DCP1B: variants seen among roughly 807,000 people sequenced by gnomAD.
DCP1B encodes decapping mRNA 1B.
In DCP1B, 47 loss-of-function variants were observed where a neutral mutation model predicts 60.5. The observed-to-expected ratio is 0.78, with a 90% CI of 0.61 to 0.99. DCP1B has a LOEUF of 0.99. Among genes scored for constraint, DCP1B ranks in the 50% least tolerant of loss-of-function variants. The probability of loss-of-function intolerance (pLI) is 0.00; values close to 1 mark genes in which losing one functional copy is unlikely to be tolerated. For synonymous variants in DCP1B, 267 were observed against 280.3 expected (o/e 0.95, Z 0.47); for missense variants, 725 against 756.8 (o/e 0.96, Z 0.49).
chr12:1,972,861 A>G (rs2032928753), intron 3 of DCP1B, among the ~76,000 whole-genome samples: 1 of 152,144 alleles, frequency 6.6e-6, no homozygotes, highest in Non-Finnish European at 1.5e-5. Flanking sequence ...AAAAAGAGAG[A>G]AAAGAAAGAG....
rs181449560 is a variant in DCP1B at position 1,968,780 on chromosome 12, T to C, written c.320-870A>G. 2.5e-3 allele frequency among the ~76,000 whole-genome samples: 374 copies of C among 152,314 alleles called. 7 individuals are homozygous for C. Among genetic ancestry groups the C allele is most frequent in the Non-Finnish European group, 1.2e-3 (85 of 68,018 alleles). ...TAATAATAAACTTCTGGCTTCAAAA[T>C]GGTACAGAAAATGTATAACTGCTGA... On this transcript the variant is annotated intron_variant, in intron 3 of 8. Coordinates refer to ENST00000280665, the MANE Select transcript of DCP1B (RefSeq NM_152640.5).
At chr12:1,947,345 G>A (rs1027046242) in intron 8 of DCP1B, among the ~76,000 whole-genome samples, 1 of 152,174 alleles carries the variant, frequency 6.6e-6, no homozygotes, top group Non-Finnish European at 1.5e-5. Flanking sequence ...TCATTCTCAT[G>A]CAATGAAGAG....
intron 6 of DCP1B, among the ~76,000 whole-genome samples, chr12:1,954,833 C>G (rs1300070522): frequency 2.0e-5 from 3 of 152,172 alleles, no homozygotes; most frequent in African/African-American, 7.2e-5. Flanking sequence ...TCATCTCTGA[C>G]AATGTTATTA....
intron 8 of DCP1B, among the ~76,000 whole-genome samples, 168 bp from the exon 9 acceptor site, chr12:1,946,454 G>A (rs2030427681): frequency 6.6e-6 from 1 of 152,206 alleles, no homozygotes; most frequent in Non-Finnish European, 1.5e-5. Flanking sequence ...TGGGGTTGAC[G>A]GCAAGGCCGG....
chr12:2,004,217 G>A (rs781141437), intron 1 of DCP1B, 65 bp downstream of exon 1: 1 of 1,593,936 alleles, frequency 6.3e-7, no homozygotes, highest in Admixed American at 1.7e-5. Flanking sequence ...CTCAAGTCCT[G>A]AGTCTGACGC....
intron 1 of DCP1B, among the ~76,000 whole-genome samples, chr12:1,999,526 G>T: frequency 6.6e-6 from 1 of 152,170 alleles, no homozygotes. Context: ...TTTGAGACCA[G>T]CCTGGGCAAC....
intron 7 of DCP1B, 74 bp downstream of exon 7, chr12:1,952,342 T>TTA: frequency 1.0e-6 from 1 of 964,734 alleles, no homozygotes; most frequent in East Asian, 3.3e-5. Context: ...CCTGGCTACT[T>TTA]TTTTTTTTTT....
intron 6 of DCP1B, 118 bp from the exon 7 acceptor site, chr12:1,953,406 A>T: frequency 9.4e-6 from 11 of 1,166,400 alleles, no homozygotes; most frequent in Non-Finnish European, 1.2e-5. Context: ...GATTAGAGAG[A>T]ATGAAAAATA....
intron 5 of DCP1B, among the ~76,000 whole-genome samples, chr12:1,958,603 A>T (rs531830397): frequency 9.2e-5 from 10 of 108,450 alleles, no homozygotes; most frequent in African/African-American, 2.8e-4. Flanking sequence ...CTGGGCAATG[A>T]CTTTTTCTAT....
chr12:1,996,458 C>T (rs2040811593), intron 2 of DCP1B, among the ~76,000 whole-genome samples: 1 of 151,830 alleles, frequency 6.6e-6, no homozygotes, highest in Non-Finnish European at 1.5e-5. Flanking sequence ...TCCCTCTCCT[C>T]TATGCAAGCT....
chr12:1,996,797 T>C (rs1044087504), intron 2 of DCP1B, among the ~76,000 whole-genome samples: 2 of 152,166 alleles, frequency 1.3e-5, no homozygotes, highest in African/African-American at 4.8e-5. Context: ...AGCCCATTCA[T>C]TGCTCAGAAT....
intron 1 of DCP1B, among the ~76,000 whole-genome samples, chr12:1,999,121 T>C (rs2041603374): frequency 6.6e-6 from 1 of 152,224 alleles, no homozygotes; most frequent in Non-Finnish European, 1.5e-5. Flanking sequence ...ATGCAAGCTC[T>C]TGGGCTCCTG....
chr12:1,960,835 C>T (rs1407482917), intron 5 of DCP1B, among the ~76,000 whole-genome samples: 9 of 152,164 alleles, frequency 5.9e-5, no homozygotes, highest in Non-Finnish European at 1.3e-4. Flanking sequence ...CTTTAAGTAA[C>T]GGAGACTCAC....
intron 3 of DCP1B, among the ~76,000 whole-genome samples, chr12:1,980,639 A>G (rs1294399200): frequency 9.2e-6 from 1 of 108,402 alleles, no homozygotes; most frequent in Admixed American, 9.0e-5. Flanking sequence ...GTAAATGCTT[A>G]TAAGTGTCAT....
downstream of DCP1B, among the ~76,000 whole-genome samples, chr12:1,945,266 A>G (rs2030380180): frequency 6.6e-6 from 1 of 152,250 alleles, no homozygotes; most frequent in Non-Finnish European, 1.5e-5. Context: ...ATCATTAAAA[A>G]GTCAGGAAAC....
chr12:1,952,487 C>T lies in DCP1B; in HGVS notation c.1453G>A (p.Gly485Arg). 6.2e-7 allele frequency: 1 copy of T among 1,613,842 alleles called. No homozygotes were observed. The highest frequency in any genetic ancestry group is 8.5e-7 in the Non-Finnish European group (1 of 1,179,830). Residue 485 changes from glycine to arginine, a missense_variant, in exon 7 of 9, where the codon GGA (glycine) becomes AGA (arginine). Gly to Arg is a moderately radical substitution (Grantham distance 125). Transcript: ENST00000280665. ...AKFPVLAQSS[G>R]TGKPLESWIN... ...CAGGATTCCAAGGGTTTCCCTGTTCCAGAGCTCTGAGCGAGCACAGGAAAC... is the reference window on the plus strand; with the variant it reads ...CAGGATTCCAAGGGTTTCCCTGTTCTAGAGCTCTGAGCGAGCACAGGAAAC...
At chr12:1,960,813 T>C (rs2031095469) in intron 5 of DCP1B, among the ~76,000 whole-genome samples, 1 of 152,156 alleles carries the variant, frequency 6.6e-6, no homozygotes, top group Admixed American at 6.5e-5. Context: ...CTGTTCAATC[T>C]CTTCTTGAAC....
At chr12:1,977,218 T>G (rs2034662486) in intron 3 of DCP1B, among the ~76,000 whole-genome samples, 1 of 152,206 alleles carries the variant, frequency 6.6e-6, no homozygotes, top group South Asian at 2.1e-4. Context: ...CCATGTAGCC[T>G]GAAGCCTAGG....
rs1282696159 is a variant in DCP1B, at chr12:1,971,982, T to G, written c.320-4072A>C. ...ATCCATTCAATTAGGAAGTGGATGA[T>G]AAACACATAATTACATGGGTAAAAT... On this transcript the variant is annotated intron_variant, in intron 3 of 8. Coordinates refer to ENST00000280665, the MANE Select transcript of DCP1B (RefSeq NM_152640.5). This position sits in a 1 kb window ranked among gnomAD's most constrained non-coding sequence, Gnocchi z 4.2. 3.9e-5 allele frequency among the ~76,000 whole-genome samples: 6 copies of G among 152,276 alleles called. No homozygotes were observed. Among genetic ancestry groups the G allele is most frequent in the Non-Finnish European group, 8.8e-5 (6 of 68,046 alleles).
Sources: allele counts gnomAD v4.1 joint callset (sites outside exome capture counted in the v4.1 genomes callset), GRCh38; gene constraint gnomAD v4.1.1; non-coding constraint Gnocchi (gnomAD v3.1); transcripts MANE v1.5; gene names NCBI Gene and HGNC (gene_info 2026-07-23, HGNC 2026-07-21).